Variants in MACROD1 observed in about 807,000 individuals in gnomAD.
The protein encoded by MACROD1 is mono-ADP ribosylhydrolase 1.
In MACROD1, 31 loss-of-function variants were observed where a neutral mutation model predicts 41.4. The ratio of observed to expected loss-of-function variants is 0.75; its 90% CI spans 0.56 to 1.01. The LOEUF (loss-of-function observed/expected upper bound fraction) is 1.01. Among genes scored for constraint, MACROD1 ranks in the 50% least tolerant of loss-of-function variants. The pLI is 0.00. For synonymous variants in MACROD1, 252 were observed against 203.4 expected, an observed-to-expected ratio of 1.24 and a Z score of -2.03; for missense variants, 473 against 460.0, an observed-to-expected ratio of 1.03 and a Z score of -0.26.
chr11:64,085,838 G>A (rs1214718607), intron 3 of MACROD1, among the ~76,000 whole-genome samples: 1 of 152,220 alleles, frequency 6.6e-6, no homozygotes, highest in Non-Finnish European at 1.5e-5. Context: ...CAGCAGGGAT[G>A]CAGGAGGAAT....
At position 63,998,829 on chromosome 11, in the gene MACROD1, C is replaced by T. The variant is rs749514947; in HGVS notation, c.*30+9G>A. 4 of 1,561,142 alleles carry T rather than the reference C, an allele frequency of 2.6e-6. No individual in the cohort carries two copies. The African/African-American group carries it at 5.4e-5, about 21-fold the overall frequency. On this transcript the variant is annotated intron_variant, in intron 10 of 10. Coordinates refer to ENST00000255681, the MANE Select transcript of MACROD1 (RefSeq NM_014067.4). ...CCGGGGCCGCCGCACGGGGCGAGGCCCTGCTTACCAGTCCCGGTCAGGGTG... is the reference window on the plus strand; with the variant it reads ...CCGGGGCCGCCGCACGGGGCGAGGCTCTGCTTACCAGTCCCGGTCAGGGTG...
chr11:64,051,322 G>C (rs543180622), intron 3 of MACROD1, among the ~76,000 whole-genome samples: 1 of 152,186 alleles, frequency 6.6e-6, no homozygotes, highest in Non-Finnish European at 1.5e-5. Flanking sequence ...CTGCCTTGAC[G>C]GCCCTCTGGG....
chr11:64,140,719 C>G (rs191760858), intron 3 of MACROD1, among the ~76,000 whole-genome samples: 2 of 152,180 alleles, frequency 1.3e-5, no homozygotes, highest in Non-Finnish European at 2.9e-5. Flanking sequence ...CCCATGCACT[C>G]TTATCCCTGT....
At chr11:64,055,863 G>A (rs1005688058) in intron 3 of MACROD1, among the ~76,000 whole-genome samples, 5 of 152,206 alleles carry the variant, frequency 3.3e-5, no homozygotes, top group African/African-American at 1.2e-4. Flanking sequence ...GTGACTCTTG[G>A]GTCTGCTATT....
chr11:64,000,108 T>G, intron 5 of MACROD1, 119 bp downstream of exon 5: 1 of 774,372 alleles, frequency 1.3e-6, no homozygotes, highest in Non-Finnish European at 2.1e-6. Flanking sequence ...GCCCTTAAGG[T>G]TAAGAAGGGC....
At chr11:64,077,603 G>A (rs1944226181) in intron 3 of MACROD1, among the ~76,000 whole-genome samples, 1 of 152,136 alleles carries the variant, frequency 6.6e-6, no homozygotes, top group South Asian at 2.1e-4. Context: ...CCTAGACACA[G>A]ACTGACGGGC....
At chr11:64,117,993 T>C in intron 3 of MACROD1, 1 of 1,613,794 alleles carries the variant, frequency 6.2e-7, no homozygotes, top group South Asian at 1.1e-5. Context: ...CATCTGCTGG[T>C]ACGTGCACCA....
At chr11:64,001,766 AG>A (rs1942829784) in intron 4 of MACROD1, 1 of 702,204 alleles carries the variant, frequency 1.4e-6, no homozygotes, top group Middle Eastern at 2.3e-4. Flanking sequence ...GCAAGAAGGC[AG>A]GGCCCAGAGC....
At chr11:64,058,438 G>A (rs561331089) in intron 3 of MACROD1, among the ~76,000 whole-genome samples, 3 of 152,384 alleles carry the variant, frequency 2.0e-5, no homozygotes, top group Non-Finnish European at 4.4e-5. Flanking sequence ...CAGGCCTGAC[G>A]AGGGGGCACC....
At chr11:64,041,533 G>A (rs1427494348) in intron 3 of MACROD1, among the ~76,000 whole-genome samples, 1 of 152,032 alleles carries the variant, frequency 6.6e-6, no homozygotes, top group Non-Finnish European at 1.5e-5. Flanking sequence ...ACACCTGGCT[G>A]GTTCTGAGTG....
In MACROD1 at chr11:64,018,423, G is replaced by C. The variant is rs143334662; in HGVS notation, c.518-3142C>G. Among the ~76,000 whole-genome samples, 249 of 152,296 alleles carry C rather than the reference G, an allele frequency of 1.6e-3. 2 individuals are homozygous for C. The highest frequency in any genetic ancestry group is 5.6e-3 in the African/African-American group (234 of 41,566). ...GGTTCCCCCATAAAGCTGCCTCCAA[G>C]GCCGGAGAGCTGGGCCAGGCTGTGC... On this transcript the variant is annotated intron_variant, in intron 3 of 10. Transcript: ENST00000255681.
At chr11:64,066,957 G>A (rs541382904) in intron 3 of MACROD1, among the ~76,000 whole-genome samples, 1 of 152,192 alleles carries the variant, frequency 6.6e-6, no homozygotes, top group African/African-American at 2.4e-5. Context: ...AGTGCGCTAC[G>A]GAGGGTCACA....
intron 3 of MACROD1, among the ~76,000 whole-genome samples, chr11:64,107,270 A>C (rs770748459): frequency 2.0e-5 from 3 of 152,254 alleles, no homozygotes; most frequent in Admixed American, 6.5e-5. Flanking sequence ...CAGAAATATC[A>C]GGTGTAGGAG....
chr11:64,079,320 CAG>C (rs771293351), intron 3 of MACROD1, among the ~76,000 whole-genome samples: 3 of 150,942 alleles, frequency 2.0e-5, no homozygotes, highest in Non-Finnish European at 2.9e-5. Flanking sequence ...ATGAGACAGA[CAG>C]GGGTCTGCCC....
At chr11:64,117,221 G>A (rs1565241929) in intron 3 of MACROD1, 2 of 1,614,176 alleles carry the variant, frequency 1.2e-6, no homozygotes, top group Non-Finnish European at 8.5e-7. Context: ...ACGACCTGGG[G>A]AACCTGGCCC....
At chr11:64,163,282 AAG>A (rs1226713795) in intron 1 of MACROD1, among the ~76,000 whole-genome samples, 1 of 152,198 alleles carries the variant, frequency 6.6e-6, no homozygotes, top group East Asian at 1.9e-4. Flanking sequence ...CCTGGACAAA[AAG>A]AGTGAAACTG....
rs1565245429 is a variant in MACROD1 at position 64,120,661 on chromosome 11, G to A, written c.517+30578C>T. The stretch of plus-strand genomic sequence containing the variant: ...GATTGCGCCACTGCATTCCAGCCTG[G>A]GCAAAGAGTGAGACTCCATCTCAAA... On this transcript the variant is annotated intron_variant, in intron 3 of 10. Transcript: ENST00000255681. The surrounding 1 kb of genome is among the most constrained non-coding windows in gnomAD (Gnocchi z 4.5). Among the ~76,000 whole-genome samples, 1 of 152,022 alleles carries A rather than the reference G, an allele frequency of 6.6e-6. No individual in the cohort carries two copies. Among genetic ancestry groups the A allele is most frequent in the Non-Finnish European group, 1.5e-5 (1 of 67,988 alleles).
At chr11:64,137,765 G>A (rs897798625) in intron 3 of MACROD1, among the ~76,000 whole-genome samples, 2 of 152,168 alleles carry the variant, frequency 1.3e-5, no homozygotes, top group Non-Finnish European at 2.9e-5. Flanking sequence ...GCAAGAGGCT[G>A]GTGGCCTGGA....
At chr11:64,035,597 G>A (rs1218492155) in intron 3 of MACROD1, among the ~76,000 whole-genome samples, 1 of 95,050 alleles carries the variant, frequency 1.1e-5, no homozygotes, top group Non-Finnish European at 2.0e-5. Context: ...CAGTTTAGCC[G>A]AGGGCGGGGG....
Sources: allele counts gnomAD v4.1 joint callset (sites outside exome capture counted in the v4.1 genomes callset), GRCh38; gene constraint gnomAD v4.1.1; non-coding constraint Gnocchi (gnomAD v3.1); transcripts MANE v1.5; gene names NCBI Gene and HGNC (gene_info 2026-07-23, HGNC 2026-07-21).